The following TCOF1 variants were observed in gnomAD, a reference collection of about 807,000 sequenced individuals.
TCOF1 encodes treacle protein.
Under a neutral mutation model 149.0 loss-of-function variants are expected in TCOF1, and 33 were observed. The observed-to-expected ratio is 0.22, with a 90% CI of 0.17 to 0.30. TCOF1 has a LOEUF of 0.30. Among genes scored for constraint, TCOF1 ranks in the 10% least tolerant of loss-of-function variants. The pLI is 1.00. For synonymous variants in TCOF1, 789 were observed against 738.8 expected (o/e 1.07, Z -1.10); for missense variants, 1,728 against 1,840.7 (o/e 0.94, Z 1.12).
In TCOF1 at chr5:150,396,857, C is replaced by T. The variant is rs1376800201; in HGVS notation, c.4345+15C>T. ...ATCCGACAAGAGTGAGTGACCGCTT[C>T]TCCCAGCCCACCCCAAGGGCTGCTG... On this transcript the variant is annotated intron_variant, in intron 24 of 26. Transcript: ENST00000643257. The T allele has an allele frequency of 6.3e-7, 1 of 1,580,026 alleles. No individual in the cohort carries two copies. The highest frequency in any genetic ancestry group is 8.6e-7 in the Non-Finnish European group (1 of 1,163,780).
At chr5:150,398,297 A>C in intron 24 of TCOF1, 57 bp from the exon 25 acceptor site, 1 of 1,609,152 alleles carries the variant, frequency 6.2e-7, no homozygotes, top group Non-Finnish European at 8.5e-7. Context: ...CCCAACATTG[A>C]CCCCAGCACT....
chr5:150,360,421 G>T (rs1432912146), intron 1 of TCOF1, among the ~76,000 whole-genome samples: 2 of 152,198 alleles, frequency 1.3e-5, no homozygotes. Flanking sequence ...GTAGACTGTG[G>T]TCATGCCACC....
In TCOF1 at chr5:150,392,136, T is replaced by C; in HGVS notation, c.3477T>C (p.Asp1159=). 6.2e-7 allele frequency: 1 copy of C among 1,614,108 alleles called. No individual in the cohort carries two copies. The change falls in exon 21 of 27, where the codon GAT becomes GAC. Residue 1159 remains aspartate, a synonymous_variant. Transcript: ENST00000643257. The part of the protein sequence containing the change: ...SSDSSSGSEE[D]GEGPQGAKSA... Reference sequence around the variant, plus strand: ...ACAGTTCTTCAGGGAGTGAGGAAGATGGTGAAGGGCCCCAGGGGGCCAAGT... The same window carrying C: ...ACAGTTCTTCAGGGAGTGAGGAAGACGGTGAAGGGCCCCAGGGGGCCAAGT...
At chr5:150,372,564 C>T (rs1562328639) in intron 7 of TCOF1, among the ~76,000 whole-genome samples, 1 of 152,214 alleles carries the variant, frequency 6.6e-6, no homozygotes, top group Non-Finnish European at 1.5e-5. Flanking sequence ...ACTACGTTAG[C>T]TAAAGGGAAT....
chr5:150,391,760 C>A, intron 20 of TCOF1, 103 bp downstream of exon 20: 1 of 1,261,144 alleles, frequency 7.9e-7, no homozygotes, highest in Non-Finnish European at 1.1e-6. Flanking sequence ...GACCTCTGCA[C>A]TTGGTTTGCC....
chr5:150,379,235 C>G lies in TCOF1; in HGVS notation c.2485C>G (p.Pro829Ala), dbSNP rs1764479666. Reference protein sequence around the residue: ...AKQRSPSKVKPPVRNPQNSTV... With the variant: ...AKQRSPSKVKAPVRNPQNSTV... Reference sequence around the variant, plus strand: ...TTATCCCCCTGCAATTCAGGTGAAGCCACCAGTGAGAAACCCCCAGAACAG... The same window carrying G: ...TTATCCCCCTGCAATTCAGGTGAAGGCACCAGTGAGAAACCCCCAGAACAG... Residue 829 changes from proline to alanine, a missense_variant, in exon 16 of 27, where the codon CCA becomes GCA. Physicochemically the swap from Pro to Ala is conservative, Grantham distance 27 (BLOSUM62 -1). Around this residue, in one of 2 missense-constraint regions of TCOF1, gnomAD observed 1,696 missense variants for 1,765.4 expected, o/e 0.96. Transcript: ENST00000643257. 6.2e-7 allele frequency: 1 copy of G among 1,614,088 alleles called. No individual in the cohort carries two copies. Among genetic ancestry groups the G allele is most frequent in the African/African-American group, 1.3e-5 (1 of 74,922 alleles).
chr5:150,374,139 A>C lies in TCOF1; in HGVS notation c.871-35A>C, dbSNP rs758318395. The C allele has an allele frequency of 7.9e-5, 126 of 1,593,662 alleles. 1 individual carries two copies. The highest frequency in any genetic ancestry group is 1.1e-4 in the Non-Finnish European group (125 of 1,168,960). ...AAGGCATCACCAGAGAGTTTTCACAAGCAGGAGAGCAAGCTGCCCTTTCTT... is the reference window on the plus strand; with the variant it reads ...AAGGCATCACCAGAGAGTTTTCACACGCAGGAGAGCAAGCTGCCCTTTCTT... On this transcript the variant is annotated intron_variant, in intron 7 of 26. Coordinates refer to ENST00000643257, the MANE Select transcript of TCOF1 (RefSeq NM_001371623.1).
chr5:150,367,663 TG>T, intron 3 of TCOF1, 180 bp from the exon 4 acceptor site: 1 of 676,354 alleles, frequency 1.5e-6, no homozygotes, highest in Non-Finnish European at 2.7e-6. Context: ...CTCTTGCTCC[TG>T]GTGGACCTGG....
chr5:150,391,508 C>T, intron 19 of TCOF1, 36 bp from the exon 20 acceptor site: 1 of 1,572,814 alleles, frequency 6.4e-7, no homozygotes, highest in Non-Finnish European at 8.8e-7. Flanking sequence ...ATCCCAAGGA[C>T]TTGTGAGTCT....
intron 4 of TCOF1, 180 bp downstream of exon 4, chr5:150,368,097 T>C (rs1761746292): frequency 1.6e-6 from 1 of 638,988 alleles, no homozygotes. Flanking sequence ...TCAGTTTACT[T>C]TTCTATAAAG....
In TCOF1 at chr5:150,379,037, T is replaced by C. The variant is rs1242627370; in HGVS notation, c.2473T>C (p.Ser825Pro). 1.2e-6 allele frequency: 2 copies of C among 1,613,706 alleles called. No individual in the cohort carries two copies. Among genetic ancestry groups the C allele is most frequent in the African/African-American group, 2.7e-5 (2 of 74,842 alleles). The change falls in exon 15 of 27, where the codon TCC becomes CCC. Residue 825 changes from serine (S) to proline (P), a missense_variant. This residue lies in a region of TCOF1 where 1,696 missense variants were observed against 1,765.4 expected (regional missense o/e 0.96). Coordinates refer to ENST00000643257, the MANE Select transcript of TCOF1 (RefSeq NM_001371623.1). Reference sequence around the variant, plus strand: ...TGCTCAAGCCAAGCAGAGGTCTCCATCCAAGGCAAGTGGGGCCAGAAGCCA... The same window carrying C: ...TGCTCAAGCCAAGCAGAGGTCTCCACCCAAGGCAAGTGGGGCCAGAAGCCA... ...AAAQAKQRSP[S>P]KVKPPVRNPQ...
At chr5:150,383,664 T>G in intron 17 of TCOF1, 1 of 1,462,588 alleles carries the variant, frequency 6.8e-7, no homozygotes, top group Non-Finnish European at 9.4e-7. Context: ...CAAATTCTCA[T>G]GATTCATAAG....
At chr5:150,391,705 G>A (rs1422133601) in intron 20 of TCOF1, 48 bp downstream of exon 20, 1 of 1,553,264 alleles carries the variant, frequency 6.4e-7, no homozygotes, top group Admixed American at 1.8e-5. Flanking sequence ...CGTAGAAGGT[G>A]CAGGCGTGGC....
At chr5:150,382,968 C>A in intron 17 of TCOF1, 2 of 1,034,466 alleles carry the variant, frequency 1.9e-6, no homozygotes, top group Non-Finnish European at 2.7e-6. Flanking sequence ...CCCTGGAAAC[C>A]AGAGTGCCTG....
intron 21 of TCOF1, 66 bp from the exon 22 acceptor site, chr5:150,392,639 G>C: frequency 6.4e-7 from 1 of 1,553,090 alleles, no homozygotes. Flanking sequence ...CCTTCCTGAA[G>C]GGCTCTGCCC....
chr5:150,364,243 G>T lies in TCOF1; in HGVS notation c.295G>T (p.Ala99Ser). 6.2e-7 allele frequency: 1 copy of T among 1,614,046 alleles called. No individual in the cohort carries two copies. The highest frequency in any genetic ancestry group is 1.6e-4 in the Middle Eastern group (1 of 6,062). ...GGAGGAAGAAGCAGAAGCCGAAACC[G>T]CCAAAGCCAGTAAGAGCCTTGCAGC... ...EEEEEAEAET[A>S]KATPRLASTN... Residue 99 changes from alanine (A) to serine (S), a missense_variant, in exon 3 of 27, where the codon GCC (alanine) becomes TCC (serine). Physicochemically the swap from Ala to Ser is moderately conservative, Grantham distance 99 (BLOSUM62 1). Around this residue, in one of 2 missense-constraint regions of TCOF1, gnomAD observed 1,696 missense variants for 1,765.4 expected, o/e 0.96. Coordinates refer to ENST00000643257, the MANE Select transcript of TCOF1 (RefSeq NM_001371623.1).
chr5:150,364,229 C>T lies in TCOF1; in HGVS notation c.281C>T (p.Ala94Val). 1 of 1,614,154 alleles carries T rather than the reference C, an allele frequency of 6.2e-7. No individual in the cohort carries two copies. Reference sequence around the variant, plus strand: ...GAGAGCTCGGAAGAGGAGGAAGAAGCAGAAGCCGAAACCGCCAAAGCCAGT... The same window carrying T: ...GAGAGCTCGGAAGAGGAGGAAGAAGTAGAAGCCGAAACCGCCAAAGCCAGT... ...TSESSEEEEE[A>V]EAETAKATPR... Residue 94 changes from alanine to valine, a missense_variant, in exon 3 of 27, where the codon GCA becomes GTA. This residue lies in a region of TCOF1 where 1,696 missense variants were observed against 1,765.4 expected (regional missense o/e 0.96). Coordinates refer to ENST00000643257, the MANE Select transcript of TCOF1 (RefSeq NM_001371623.1).
Position 150,376,192 on chromosome 5 carries a change from A to G in TCOF1, c.2004A>G (p.Lys668=), listed in dbSNP as rs1209816515. The change falls in exon 13 of 27, where the codon AAA becomes AAG. Residue 668 remains lysine, a synonymous_variant. Coordinates refer to ENST00000643257, the MANE Select transcript of TCOF1 (RefSeq NM_001371623.1). ...GAGTGGGCACCCAAGCCCCCCGGAA[A>G]GCAGGAACTGCGACTTCTCCAGCAG... ...PVRVGTQAPR[K]AGTATSPAGS... is the part of the protein sequence containing the mutation. 6.2e-7 allele frequency: 1 copy of G among 1,614,220 alleles called. No individual in the cohort carries two copies. The highest frequency in any genetic ancestry group is 1.3e-5 in the African/African-American group (1 of 75,080).
intron 12 of TCOF1, 78 bp downstream of exon 12, chr5:150,375,987 C>G: frequency 1.2e-6 from 2 of 1,613,852 alleles, no homozygotes; most frequent in Non-Finnish European, 1.7e-6. Flanking sequence ...GCTGTGCTCC[C>G]TCAGGCAGAG....
Sources: gnomAD v4.1 joint callset for allele counts (sites outside exome capture counted in the v4.1 genomes callset) on GRCh38, gnomAD v4.1.1 for gene constraint, gnomAD v4.1.1 regional missense constraint, MANE v1.5 for transcripts, NCBI Gene and HGNC (gene_info 2026-07-23, HGNC 2026-07-21) for gene names.